The following MTA3 variants were observed in gnomAD, a reference collection of about 807,000 sequenced individuals.
MTA3 encodes metastasis associated 1 family member 3.
MTA3 carries 34 observed loss-of-function variants against 83.5 expected under a neutral mutation model. The ratio of observed to expected loss-of-function variants is 0.41; its 90% CI spans 0.31 to 0.54. The LOEUF is 0.54. Among genes scored for constraint, MTA3 ranks in the 20% least tolerant of loss-of-function variants. The pLI is 0.33. For synonymous variants in MTA3, 303 were observed against 252.7 expected, an observed-to-expected ratio of 1.20 and a Z score of -1.89; for missense variants, 761 against 726.4, an observed-to-expected ratio of 1.05 and a Z score of -0.55.
chr2:42,693,828 A>G (rs947777010), intron 9 of MTA3, among the ~76,000 whole-genome samples: 4 of 152,082 alleles, frequency 2.6e-5, no homozygotes, highest in African/African-American at 9.7e-5. Flanking sequence ...GCCTTTCACC[A>G]TAGCCACCTA....
At chr2:42,697,907 C>A in intron 11 of MTA3, 73 bp downstream of exon 11, 1 of 1,119,120 alleles carries the variant, frequency 8.9e-7, no homozygotes, top group Non-Finnish European at 1.2e-6. Flanking sequence ...TCATTTTGTT[C>A]AGTTTCAGCA....
intron 3 of MTA3, among the ~76,000 whole-genome samples, chr2:42,598,433 G>A (rs1382816731): frequency 6.6e-6 from 1 of 152,098 alleles, no homozygotes; most frequent in African/African-American, 2.4e-5. Flanking sequence ...GTAGTCCAAA[G>A]TATTTTTCAT....
intron 4 of MTA3, among the ~76,000 whole-genome samples, chr2:42,614,976 TA>T (rs55857778): frequency 2.8e-4 from 40 of 142,446 alleles, no homozygotes; most frequent in African/African-American, 5.9e-4. Context: ...GACTCTGTCT[TA>T]AAAAAAAAAA....
At chr2:42,555,604 CAA>C (rs35757918) in intron 2 of MTA3, among the ~76,000 whole-genome samples, 8 of 131,162 alleles carry the variant, frequency 6.1e-5, no homozygotes, top group South Asian at 2.4e-4. Context: ...ACTAAAAATA[CAA>C]AAAAAAAAAA....
Position 42,682,609 on chromosome 2 carries a change from T to C in MTA3, c.891+20T>C, listed in dbSNP as rs377728507. Reference sequence around the variant, plus strand: ...GATTTTGTAAGTAGAAAATTATGAGTAAAATAAAATGTTGAGATGGGAATA... The same window carrying C: ...GATTTTGTAAGTAGAAAATTATGAGCAAAATAAAATGTTGAGATGGGAATA... On this transcript the variant is annotated intron_variant, in intron 9 of 16. Coordinates refer to ENST00000405094, the MANE Select transcript of MTA3 (RefSeq NM_001330442.2). 22 of 1,583,124 alleles carry C rather than the reference T, an allele frequency of 1.4e-5. No homozygotes were observed. The African/African-American group carries it at 2.4e-4, about 17-fold the overall frequency.
At chr2:42,734,613 G>A (rs1668483652) in intron 16 of MTA3, among the ~76,000 whole-genome samples, 2 of 149,612 alleles carry the variant, frequency 1.3e-5, no homozygotes, top group Non-Finnish European at 3.0e-5. Flanking sequence ...TCGTTATTTT[G>A]TGGTCTTCTC....
chr2:42,672,673 A>T (rs1472771871), intron 8 of MTA3, among the ~76,000 whole-genome samples: 2 of 139,820 alleles, frequency 1.4e-5, no homozygotes, highest in East Asian at 2.1e-4. Context: ...AAAAAAAAAA[A>T]AGTAATCAAA....
intron 8 of MTA3, among the ~76,000 whole-genome samples, chr2:42,676,165 G>A (rs931180443): frequency 6.6e-6 from 1 of 152,154 alleles, no homozygotes; most frequent in African/African-American, 2.4e-5. Flanking sequence ...TCCTCTGAAA[G>A]CAAATGGTTC....
chr2:42,634,799 T>C (rs1313044769), intron 4 of MTA3, among the ~76,000 whole-genome samples: 1 of 152,234 alleles, frequency 6.6e-6, no homozygotes, highest in East Asian at 1.9e-4. Flanking sequence ...ACTGTTCTTA[T>C]ATTCCTACTA....
chr2:42,607,751 G>A (rs975214121), intron 3 of MTA3, among the ~76,000 whole-genome samples: 3 of 152,178 alleles, frequency 2.0e-5, no homozygotes, highest in African/African-American at 7.2e-5. Flanking sequence ...AGGAGTTCGA[G>A]ATCAGCCTGG....
chr2:42,643,527 G>A (rs1016460016), intron 5 of MTA3, among the ~76,000 whole-genome samples: 1 of 152,128 alleles, frequency 6.6e-6, no homozygotes, highest in African/African-American at 2.4e-5. Flanking sequence ...TTGTATATCT[G>A]TCTATATGTA....
intron 2 of MTA3, among the ~76,000 whole-genome samples, chr2:42,575,184 A>G (rs1462329201): frequency 2.0e-5 from 3 of 152,068 alleles, no homozygotes; most frequent in Non-Finnish European, 4.4e-5. Flanking sequence ...TTCTCCCTGC[A>G]ACCACCTTAG....
chr2:42,580,122 C>T (rs549256914), intron 3 of MTA3, among the ~76,000 whole-genome samples: 3 of 151,836 alleles, frequency 2.0e-5, no homozygotes, highest in Non-Finnish European at 2.9e-5. Flanking sequence ...TTTAAAAAAG[C>T]GTGTTACAGA....
chr2:42,582,560 G>T lies in MTA3; in HGVS notation c.190+3360G>T, dbSNP rs572810383. On this transcript the variant is annotated intron_variant, in intron 3 of 16. Coordinates refer to ENST00000405094, the MANE Select transcript of MTA3 (RefSeq NM_001330442.2). ...CTCACCATTTAGGTAGGCCAAGTTG[G>T]GAGGATTGCTTGAGGGTAGGAGTTC... 5.3e-5 allele frequency among the ~76,000 whole-genome samples: 8 copies of T among 152,226 alleles called. No homozygotes were observed. In the East Asian group the frequency reaches 1.5e-3, roughly 29 times the overall value.
Position 42,607,306 on chromosome 2 carries a change from A to G in MTA3, c.191-2152A>G, listed in dbSNP as rs960898782. Among the ~76,000 whole-genome samples, 4 of 152,334 alleles carry G rather than the reference A, an allele frequency of 2.6e-5. No homozygotes were observed. In the South Asian group the frequency reaches 6.2e-4, roughly 24 times the overall value. ...GCGTATGTGGGTGCTGCTTTGTAGC[A>G]AAGAGGAGTCTCCCGCTGGAGATTG... is the stretch of plus-strand genomic sequence containing the variant. On this transcript the variant is annotated intron_variant, in intron 3 of 16. Coordinates refer to ENST00000405094, the MANE Select transcript of MTA3 (RefSeq NM_001330442.2).
chr2:42,504,732 A>G (rs897210195), intron 2 of MTA3, among the ~76,000 whole-genome samples: 15 of 150,988 alleles, frequency 9.9e-5, no homozygotes, highest in Non-Finnish European at 1.3e-4. Context: ...CCCGGGTTCA[A>G]GCAGTTCTCC....
intron 3 of MTA3, among the ~76,000 whole-genome samples, chr2:42,587,330 T>C (rs1341234523): frequency 2.0e-5 from 3 of 152,246 alleles, no homozygotes; most frequent in South Asian, 2.1e-4. Flanking sequence ...TAAGTTGACA[T>C]TTGAATGAGC....
intron 9 of MTA3, among the ~76,000 whole-genome samples, chr2:42,688,625 T>A (rs1692608168): frequency 6.6e-6 from 1 of 151,734 alleles, no homozygotes; most frequent in Non-Finnish European, 1.5e-5. Flanking sequence ...TTTTTTTTTT[T>A]TTTTTGTAAC....
At chr2:42,648,699 GT>G (rs1173307041) in intron 6 of MTA3, among the ~76,000 whole-genome samples, 1 of 152,056 alleles carries the variant, frequency 6.6e-6, no homozygotes, top group Non-Finnish European at 1.5e-5. Flanking sequence ...CTTTCACTGA[GT>G]TTGAATAAAC....
Sources: gnomAD v4.1 joint callset for allele counts (sites outside exome capture counted in the v4.1 genomes callset) on GRCh38, gnomAD v4.1.1 for gene constraint, MANE v1.5 for transcripts, NCBI Gene and HGNC (gene_info 2026-07-23, HGNC 2026-07-21) for gene names.